The following CCDC191 variants were observed in gnomAD, a reference collection of about 807,000 sequenced individuals.
CCDC191 encodes the protein coiled-coil domain-containing protein 191.
CCDC191 carries 99 observed loss-of-function variants against 114.0 expected under a neutral mutation model. The ratio of observed to expected loss-of-function variants is 0.87; its 90% confidence interval spans 0.74 to 1.03. The LOEUF is 1.03. Ranked by LOEUF, CCDC191 falls within the 50% of genes least tolerant of loss-of-function variation. The pLI, the probability that CCDC191 is intolerant of heterozygous loss-of-function variation, is 0.00. For synonymous variants in CCDC191, 351 were observed against 376.0 expected (o/e 0.93, Z 0.77); for missense variants, 973 against 1,087.0 (o/e 0.90, Z 1.47).
At chr3:114,038,776 G>A (rs188510554) in intron 4 of CCDC191, among the ~76,000 whole-genome samples, 101 of 152,232 alleles carry the variant, frequency 6.6e-4, no homozygotes, top group East Asian at 1.7e-3. Flanking sequence ...GCAAACTAAC[G>A]CAGGAACAGA....
intron 7 of CCDC191, among the ~76,000 whole-genome samples, chr3:114,026,736 A>C (rs536364876): frequency 1.3e-5 from 2 of 152,326 alleles, no homozygotes; most frequent in South Asian, 4.1e-4. Flanking sequence ...TCCTTGGTTT[A>C]GTTTGAGGTG....
chr3:114,004,671 T>C lies in CCDC191; in HGVS notation c.1944A>G (p.Pro648=). 6.2e-7 allele frequency: 1 copy of C among 1,612,414 alleles called. No homozygotes were observed. The highest frequency in any genetic ancestry group is 8.5e-7 in the Non-Finnish European group (1 of 1,179,324). Residue 648 remains proline (P), a synonymous_variant, in exon 11 of 17, where the codon CCA becomes CCG. Transcript: ENST00000295878. ...RNSLSGLRRK[P]KQLMTPHPIL... Reference sequence around the variant, plus strand: ...TGGGATGCGGTGTCATCAATTGCTTTGGTTTCCTTCTGAGTCCAGAAAGAG... The same window carrying C: ...TGGGATGCGGTGTCATCAATTGCTTCGGTTTCCTTCTGAGTCCAGAAAGAG...
At chr3:114,000,485 A>G (rs902063309) in intron 13 of CCDC191, among the ~76,000 whole-genome samples, 7 of 152,072 alleles carry the variant, frequency 4.6e-5, no homozygotes, top group African/African-American at 1.7e-4. Context: ...GCGTGAGCCA[A>G]TTTCTCAAAA....
intron 7 of CCDC191, among the ~76,000 whole-genome samples, chr3:114,024,220 G>A (rs1304195785): frequency 6.6e-6 from 1 of 152,172 alleles, no homozygotes; most frequent in Non-Finnish European, 1.5e-5. Flanking sequence ...GAGAGGATGT[G>A]GAGAAATAGG....
intron 7 of CCDC191, among the ~76,000 whole-genome samples, chr3:114,025,889 C>G (rs1352551360): frequency 6.6e-6 from 1 of 152,122 alleles, no homozygotes; most frequent in Non-Finnish European, 1.5e-5. Flanking sequence ...CAGACAAATG[C>G]TTGATTCACC....
At chr3:113,985,452 G>C (rs1014603164) in intron 13 of CCDC191, among the ~76,000 whole-genome samples, 3 of 152,168 alleles carry the variant, frequency 2.0e-5, no homozygotes, top group Non-Finnish European at 2.9e-5. Context: ...GACTGAGACA[G>C]TGGTGGATAC....
At chr3:114,009,519 G>A (rs548537457) in intron 9 of CCDC191, among the ~76,000 whole-genome samples, 1 of 151,976 alleles carries the variant, frequency 6.6e-6, no homozygotes, top group African/African-American at 2.4e-5. Flanking sequence ...GACTACACAG[G>A]GTCAAGATCA....
rs762815930 is a variant in CCDC191, at chr3:114,042,699, T to C, written c.415+4A>G. ...AAACTTAGAACAATCAGGTAAGTTC[T>C]TACCATCAAACTTGTCATATTTCAA... On this transcript the variant is annotated splice_donor_region_variant and intron_variant, in intron 4 of 16. Transcript: ENST00000295878. 1.9e-6 allele frequency: 3 copies of C among 1,569,784 alleles called. No individual in the cohort carries two copies. The Admixed American group carries it at 6.1e-5, about 32-fold the overall frequency.
chr3:113,992,521 GA>G, intron 13 of CCDC191, among the ~76,000 whole-genome samples: 1 of 152,080 alleles, frequency 6.6e-6, no homozygotes, highest in Non-Finnish European at 1.5e-5. Flanking sequence ...ATCTAACAAA[GA>G]AAAACCCAGG....
intron 13 of CCDC191, among the ~76,000 whole-genome samples, chr3:113,997,477 C>G (rs1430807732): frequency 6.6e-6 from 1 of 152,036 alleles, no homozygotes; most frequent in East Asian, 1.9e-4. Context: ...TCTTGCTTTC[C>G]AAATACCATT....
intron 13 of CCDC191, among the ~76,000 whole-genome samples, chr3:113,989,903 C>T (rs1559887457): frequency 6.6e-6 from 1 of 152,136 alleles, no homozygotes; most frequent in Non-Finnish European, 1.5e-5. Flanking sequence ...GAGAGGATTG[C>T]TTGAGCCCAG....
At chr3:114,006,032 G>T in intron 9 of CCDC191, 70 bp from the exon 10 acceptor site, 1 of 1,360,454 alleles carries the variant, frequency 7.4e-7, no homozygotes, top group Non-Finnish European at 1.0e-6. Context: ...ACATTTATGA[G>T]GTCAGTATTG....
intron 7 of CCDC191, among the ~76,000 whole-genome samples, chr3:114,029,347 C>T (rs1192605004): frequency 6.6e-6 from 1 of 151,996 alleles, no homozygotes; most frequent in Non-Finnish European, 1.5e-5. Flanking sequence ...TCAATGAGCT[C>T]ATACTGAATA....
chr3:113,965,483 A>G (rs1476435125), intron 16 of CCDC191, 124 bp from the exon 17 acceptor site: 1 of 526,398 alleles, frequency 1.9e-6, no homozygotes, highest in Non-Finnish European at 3.2e-6. Context: ...AAGGTGTGGA[A>G]ATCACAATCG....
chr3:113,983,537 C>CA (rs1559881353), intron 13 of CCDC191, among the ~76,000 whole-genome samples: 1 of 152,158 alleles, frequency 6.6e-6, no homozygotes, highest in East Asian at 1.9e-4. Context: ...ATCACCTCCT[C>CA]AGAGAGGTAT....
At chr3:113,968,406 A>G (rs891752370) in intron 16 of CCDC191, among the ~76,000 whole-genome samples, 8 of 151,588 alleles carry the variant, frequency 5.3e-5, no homozygotes, top group Admixed American at 2.0e-4. Flanking sequence ...TTTATCATAC[A>G]CTTTTTGGCC....
intron 2 of CCDC191, among the ~76,000 whole-genome samples, chr3:114,050,924 G>T (rs936023923): frequency 2.6e-5 from 4 of 152,112 alleles, no homozygotes; most frequent in Non-Finnish European, 5.9e-5. Flanking sequence ...AATCATGGTG[G>T]ACTGTTGCAT....
intron 13 of CCDC191, among the ~76,000 whole-genome samples, chr3:113,982,347 G>C (rs1365989498): frequency 6.6e-6 from 1 of 151,980 alleles, no homozygotes; most frequent in Non-Finnish European, 1.5e-5. Context: ...CCTCTATTAA[G>C]GGTTCCTCGA....
chr3:114,049,270 C>A (rs2076670047), intron 2 of CCDC191, among the ~76,000 whole-genome samples: 1 of 152,202 alleles, frequency 6.6e-6, no homozygotes, highest in South Asian at 2.1e-4. Context: ...GCCTCTGATG[C>A]ATGCAAGTTT....
Sources: gnomAD v4.1 joint callset for allele counts (sites outside exome capture counted in the v4.1 genomes callset) on GRCh38, gnomAD v4.1.1 for gene constraint, MANE v1.5 for transcripts, NCBI Gene and HGNC (gene_info 2026-07-23, HGNC 2026-07-21) for gene names.